Variants in LRRIQ3 observed in about 807,000 individuals in gnomAD.
LRRIQ3 encodes the protein leucine rich repeats and IQ motif containing 3.
LRRIQ3 carries 75 observed loss-of-function variants against 59.3 expected under a neutral mutation model. The observed-to-expected ratio is 1.26, with a 90% CI of 1.05 to 1.53. LRRIQ3 has a LOEUF of 1.53. Ranked by LOEUF, LRRIQ3 falls within the 40% of genes most tolerant of loss-of-function variation. The pLI is 0.00. For missense variants in LRRIQ3, 831 were observed against 710.0 expected, an observed-to-expected ratio of 1.17 and a Z score of -1.94; for synonymous variants, 250 against 231.3, an observed-to-expected ratio of 1.08 and a Z score of -0.73.
intron 4 of LRRIQ3, among the ~76,000 whole-genome samples, chr1:74,151,424 A>G (rs1029857325): frequency 6.6e-6 from 1 of 152,184 alleles, no homozygotes; most frequent in Admixed American, 6.5e-5. Flanking sequence ...CTACAACAGT[A>G]CTATGTGACA....
intron 7 of LRRIQ3, among the ~76,000 whole-genome samples, chr1:74,027,623 AAGCCACCC>A (rs1263179951): frequency 6.6e-6 from 1 of 152,082 alleles, no homozygotes; most frequent in African/African-American, 2.4e-5. Context: ...ATTACTGTTT[AAGCCACCC>A]AGCCTGTGAT....
chr1:74,078,615 T>TGTGATGTGACCC (rs1314411527), intron 5 of LRRIQ3: 1 of 151,910 alleles, frequency 6.6e-6, no homozygotes, highest in Non-Finnish European at 1.5e-5. Context: ...CTAAGCTGTA[T>TGTGATGTGACCC]TAAGCATTTC....
chr1:74,133,552 G>A (rs1349296002), intron 4 of LRRIQ3, among the ~76,000 whole-genome samples: 2 of 152,132 alleles, frequency 1.3e-5, no homozygotes, highest in Non-Finnish European at 2.9e-5. Flanking sequence ...ATGAGTTCAT[G>A]TCCTTTGTAG....
intron 7 of LRRIQ3, among the ~76,000 whole-genome samples, chr1:74,040,896 C>T (rs945607320): frequency 1.2e-4 from 19 of 152,074 alleles, no homozygotes; most frequent in African/African-American, 2.4e-4. Flanking sequence ...AGGCCGGACA[C>T]GTTGGCTCAT....
chr1:74,049,950 G>A (rs1210352510), intron 6 of LRRIQ3, among the ~76,000 whole-genome samples: 1 of 142,254 alleles, frequency 7.0e-6, no homozygotes, highest in Admixed American at 7.3e-5. Flanking sequence ...TTGAGACGGA[G>A]TCTCACTCTG....
At chr1:74,034,344 G>A (rs943968777) in intron 7 of LRRIQ3, among the ~76,000 whole-genome samples, 2 of 151,974 alleles carry the variant, frequency 1.3e-5, no homozygotes, top group South Asian at 4.1e-4. Context: ...CATACTACTC[G>A]CATAACCAAA....
chr1:74,034,100 A>G (rs903424289), intron 7 of LRRIQ3, among the ~76,000 whole-genome samples: 1 of 151,940 alleles, frequency 6.6e-6, no homozygotes, highest in African/African-American at 2.4e-5. Context: ...CTCATTCCAC[A>G]TAGCAGGATT....
chr1:74,193,832 CTGT>C (rs890407828), intron 1 of LRRIQ3, among the ~76,000 whole-genome samples: 1 of 151,872 alleles, frequency 6.6e-6, no homozygotes, highest in African/African-American at 2.4e-5. Context: ...ATCACAACAG[CTGT>C]TATCTGCATA....
chr1:74,166,522 T>C (rs1649001261), intron 3 of LRRIQ3, among the ~76,000 whole-genome samples: 1 of 151,826 alleles, frequency 6.6e-6, no homozygotes, highest in African/African-American at 2.4e-5. Context: ...TCTCAACTTC[T>C]TTGGTTTTTC....
At chr1:74,107,514 A>G (rs889906108) in intron 5 of LRRIQ3, among the ~76,000 whole-genome samples, 1 of 151,214 alleles carries the variant, frequency 6.6e-6, no homozygotes, top group African/African-American at 2.4e-5. Flanking sequence ...ACTCAAAATA[A>G]TACAAGATAA....
intron 3 of LRRIQ3, among the ~76,000 whole-genome samples, chr1:74,164,031 T>C (rs1350667587): frequency 6.6e-6 from 1 of 151,630 alleles, no homozygotes; most frequent in African/African-American, 2.4e-5. Flanking sequence ...CTTTGCCATC[T>C]GTATATACCC....
intron 6 of LRRIQ3, among the ~76,000 whole-genome samples, chr1:74,062,117 A>G (rs900514245): frequency 2.0e-5 from 3 of 152,148 alleles, no homozygotes; most frequent in Non-Finnish European, 2.9e-5. Context: ...AACAAAGTAA[A>G]CAGACAACCT....
chr1:74,191,506 G>A (rs1255526160), intron 1 of LRRIQ3, among the ~76,000 whole-genome samples: 1 of 151,906 alleles, frequency 6.6e-6, no homozygotes, highest in Non-Finnish European at 1.5e-5. Flanking sequence ...AAGCTCACAT[G>A]GAGCATTCAC....
intron 5 of LRRIQ3, among the ~76,000 whole-genome samples, chr1:74,105,305 G>T (rs1646595672): frequency 6.6e-6 from 1 of 150,714 alleles, no homozygotes; most frequent in African/African-American, 2.4e-5. Context: ...AGGCTGGAGT[G>T]CAGTGGTGTG....
chr1:74,031,195 A>T (rs1046896130), intron 7 of LRRIQ3, among the ~76,000 whole-genome samples: 4 of 152,160 alleles, frequency 2.6e-5, no homozygotes, highest in Non-Finnish European at 5.9e-5. Flanking sequence ...ATTGTGGAAG[A>T]CAGTGTGGCA....
At chr1:74,164,562 G>A (rs1212163953) in intron 3 of LRRIQ3, among the ~76,000 whole-genome samples, 1 of 151,348 alleles carries the variant, frequency 6.6e-6, no homozygotes, top group Admixed American at 6.6e-5. Context: ...GGCAGCCCTA[G>A]CAAACAAATA....
At chr1:74,190,497 AC>A (rs1270659340) in intron 1 of LRRIQ3, among the ~76,000 whole-genome samples, 1 of 152,052 alleles carries the variant, frequency 6.6e-6, no homozygotes, top group Non-Finnish European at 1.5e-5. Context: ...CTGAAAAAAA[AC>A]ATAACATTCC....
intron 5 of LRRIQ3, among the ~76,000 whole-genome samples, chr1:74,100,736 G>A (rs1216729281): frequency 6.6e-6 from 1 of 152,100 alleles, no homozygotes; most frequent in Non-Finnish European, 1.5e-5. Flanking sequence ...ACAGAACAGA[G>A]CCCTCAGAAA....
chr1:74,120,552 C>A (rs576998957), intron 4 of LRRIQ3, among the ~76,000 whole-genome samples: 1 of 151,912 alleles, frequency 6.6e-6, no homozygotes, highest in Non-Finnish European at 1.5e-5. Context: ...ATCCAGCCAC[C>A]AGCCAAATTT....
Sources: allele counts gnomAD v4.1 joint callset (sites outside exome capture counted in the v4.1 genomes callset), GRCh38; gene constraint gnomAD v4.1.1; transcripts MANE v1.5; gene names NCBI Gene and HGNC (gene_info 2026-07-23, HGNC 2026-07-21).